CCND2: variants seen among roughly 807,000 people sequenced by gnomAD.
CCND2 encodes the protein G1/S-specific cyclin-D2.
In CCND2, 6 loss-of-function variants were observed where a neutral mutation model predicts 30.2. That is an observed-to-expected ratio of 0.20 (90% confidence interval 0.11 to 0.39). The LOEUF (loss-of-function observed/expected upper bound fraction) is 0.39. Among genes scored for constraint, CCND2 ranks in the 10% least tolerant of loss-of-function variants. CCND2 has a pLI of 1.00. For missense variants in CCND2, 235 were observed against 373.4 expected, an observed-to-expected ratio of 0.63 and a Z score of 3.06; for synonymous variants, 150 against 153.1, an observed-to-expected ratio of 0.98 and a Z score of 0.15.
rs970322609 is a variant in CCND2, at chr12:4,290,170, G to A, written c.720+1180G>A. 7.9e-5 allele frequency among the ~76,000 whole-genome samples: 12 copies of A among 152,328 alleles called. No homozygotes were observed. The East Asian group carries it at 1.7e-3, about 22-fold the overall frequency. Reference sequence around the variant, plus strand: ...ACAGGTTAAACCTCAGAGAGCCCACGGCTGCAGCTCGCCGGCCTCCTCGCC... The same window carrying A: ...ACAGGTTAAACCTCAGAGAGCCCACAGCTGCAGCTCGCCGGCCTCCTCGCC... On this transcript the variant is annotated intron_variant, in intron 4 of 4. Coordinates refer to ENST00000261254, the MANE Select transcript of CCND2 (RefSeq NM_001759.4).
intron 4 of CCND2, among the ~76,000 whole-genome samples, chr12:4,298,690 CA>C (rs1864207415): frequency 6.6e-6 from 1 of 152,206 alleles, no homozygotes; most frequent in Non-Finnish European, 1.5e-5. Context: ...TTCAATTTAA[CA>C]TATTTGCCTT....
chr12:4,281,316 A>G (rs1221619124), intron 3 of CCND2, among the ~76,000 whole-genome samples: 1 of 152,162 alleles, frequency 6.6e-6, no homozygotes, highest in East Asian at 1.9e-4. Flanking sequence ...GGAGTTTTAC[A>G]ACAGTCGGCC....
At position 4,300,134 on chromosome 12, in the gene CCND2, ATATT is replaced by A. The variant is rs1864228578; in HGVS notation, c.*128_*131del. 1 of 913,004 alleles carries A rather than the reference ATATT, an allele frequency of 1.1e-6. No individual in the cohort carries two copies. Among genetic ancestry groups the A allele is most frequent in the African/African-American group, 1.7e-5 (1 of 59,912 alleles). 56.6% of individuals were successfully genotyped at this position (913,004 alleles called of 1,614,324 possible). ...AAAAAATTCTGCCCCCACCTAGATC[ATATT>A]TAAAGATCTTTTAGAAGTGAGAGAA... On this transcript the variant is annotated 3_prime_UTR_variant, in exon 5 of 5. Transcript: ENST00000261254.
Position 4,301,920 on chromosome 12 carries a change from T to G in CCND2, c.*1911T>G, listed in dbSNP as rs985238683. The G allele has an allele frequency of 4.3e-6, 1 of 231,950 alleles. No individual in the cohort carries two copies. Among genetic ancestry groups the G allele is most frequent in the African/African-American group, 2.2e-5 (1 of 45,208 alleles). 14.4% of individuals were successfully genotyped at this position (231,950 alleles called of 1,614,324 possible). A position where few individuals can be genotyped will look rare whatever the true frequency, so the allele number is the denominator to read the frequency against. Reference sequence around the variant, plus strand: ...TCTGGTAGCATATTCATGGTTGTTTTTTTTTTTCTTTTTTGGTTTTTTGGT... The same window carrying G: ...TCTGGTAGCATATTCATGGTTGTTTGTTTTTTTCTTTTTTGGTTTTTTGGT... On this transcript the variant is annotated 3_prime_UTR_variant, in exon 5 of 5. Coordinates refer to ENST00000261254, the MANE Select transcript of CCND2 (RefSeq NM_001759.4).
rs200860740 is a variant in CCND2, at chr12:4,301,366, T to TC, written c.*1357_*1358insC. 8.9e-6 allele frequency: 2 copies of TC among 224,394 alleles called. No homozygotes were observed. Among genetic ancestry groups the TC allele is most frequent in the East Asian group, 1.2e-4 (2 of 16,378 alleles). 13.9% of individuals were successfully genotyped at this position (224,394 alleles called of 1,614,324 possible). On this transcript the variant is annotated 3_prime_UTR_variant, in exon 5 of 5. Coordinates refer to ENST00000261254, the MANE Select transcript of CCND2 (RefSeq NM_001759.4). ...GTTCCCTTTTCCGTTTTTTTTTTTT[T>TC]ATTGTTGTTGTTAATTTTATTGCAA...
intron 4 of CCND2, 62 bp downstream of exon 4, chr12:4,289,052 C>T (rs895506345): frequency 6.0e-5 from 88 of 1,461,000 alleles, no homozygotes; most frequent in Admixed American, 9.0e-5. Context: ...GGGAAGGAGA[C>T]GACGGATTTG....
At chr12:4,286,102 C>T (rs537609950) in intron 3 of CCND2, among the ~76,000 whole-genome samples, 1 of 152,262 alleles carries the variant, frequency 6.6e-6, no homozygotes, top group South Asian at 2.1e-4. Flanking sequence ...CATTTTATAA[C>T]ACAACTCAGG....
chr12:4,302,517 T>C lies in CCND2; in HGVS notation c.*2508T>C, dbSNP rs3217926. ...TTGTGTTTAGGATCATCTCTGCAGG[T>C]TTCCTAGGTCTGAATCTGCGAGTAG... On this transcript the variant is annotated 3_prime_UTR_variant, in exon 5 of 5. Transcript: ENST00000261254. 0.31 allele frequency: 72,981 copies of C among 232,764 alleles called. 13,166 individuals are homozygous for C. The highest frequency in any genetic ancestry group is 0.49 in the Middle Eastern group (385 of 778). 14.4% of individuals were successfully genotyped at this position (232,764 alleles called of 1,614,324 possible). A position where few individuals can be genotyped will look rare whatever the true frequency, so the allele number is the denominator to read the frequency against.
At chr12:4,294,286 G>A (rs568276394) in intron 4 of CCND2, among the ~76,000 whole-genome samples, 1 of 152,088 alleles carries the variant, frequency 6.6e-6, no homozygotes, top group Non-Finnish European at 1.5e-5. Context: ...CAGCCAGGAG[G>A]GAAGGGGGCA....
intron 4 of CCND2, among the ~76,000 whole-genome samples, chr12:4,297,570 C>CA (rs71061177): frequency 0.083 from 6,166 of 74,534 alleles, 663 homozygotes; most frequent in East Asian, 0.19. Flanking sequence ...CACTCTGTCT[C>CA]AAAAAAAAAA....
chr12:4,286,534 C>T (rs1007414534), intron 3 of CCND2, among the ~76,000 whole-genome samples: 4 of 152,326 alleles, frequency 2.6e-5, no homozygotes, highest in Middle Eastern at 3.4e-3. Flanking sequence ...TCGTCTCCAG[C>T]GGCGTCTCTC....
In CCND2 at chr12:4,299,951, C is replaced by T. The variant is rs776036883; in HGVS notation, c.812C>T (p.Ser271Leu). The change falls in exon 5 of 5, where the codon TCG (serine) becomes TTG (leucine). Residue 271 changes from serine (S) to leucine (L), a missense_variant. Ser to Leu is a moderately radical substitution (Grantham distance 145). This residue lies in a region of CCND2 where 57 missense variants were observed against 50.7 expected (regional missense o/e 1.12). Coordinates refer to ENST00000261254, the MANE Select transcript of CCND2 (RefSeq NM_001759.4). This position sits in a 1 kb window ranked among gnomAD's most constrained non-coding sequence, Gnocchi z 5.2. ...YRQDQRDGSK[S>L]EDELDQASTP... is the part of the protein sequence containing the mutation. ...CAGGACCAACGTGACGGATCCAAGT[C>T]GGAGGATGAACTGGACCAAGCCAGC... The T allele has an allele frequency of 1.7e-5, 27 of 1,613,964 alleles. No individual in the cohort carries two copies. The highest frequency in any genetic ancestry group is 1.6e-4 in the Middle Eastern group (1 of 6,084).
intron 4 of CCND2, 66 bp downstream of exon 4, chr12:4,289,056 G>A (rs1265862825): frequency 3.5e-6 from 5 of 1,441,872 alleles, no homozygotes; most frequent in African/African-American, 2.9e-5. Flanking sequence ...AGGAGACGAC[G>A]GATTTGATTA....
At chr12:4,298,327 G>A (rs550874719) in intron 4 of CCND2, among the ~76,000 whole-genome samples, 4 of 152,342 alleles carry the variant, frequency 2.6e-5, no homozygotes, top group Middle Eastern at 3.4e-3. Context: ...AGTTTGAAAT[G>A]TGGGATAGAT....
In CCND2 at chr12:4,292,760, A is replaced by AG. The variant is rs1296553755; in HGVS notation, c.720+3776dup. On this transcript the variant is annotated intron_variant, in intron 4 of 4. Coordinates refer to ENST00000261254, the MANE Select transcript of CCND2 (RefSeq NM_001759.4). Reference sequence around the variant, plus strand: ...ACAGCCAGAGAGGCAGTTTGGCTGTAGGGGGGACGTCTATTGGGGGTGTCC... The same window carrying AG: ...ACAGCCAGAGAGGCAGTTTGGCTGTAGGGGGGGACGTCTATTGGGGGTGTCC... Among the ~76,000 whole-genome samples, 4 of 152,090 alleles carry AG rather than the reference A, an allele frequency of 2.6e-5. No homozygotes were observed. In the South Asian group the frequency reaches 8.3e-4, roughly 32 times the overall value.
In CCND2 at chr12:4,299,158, G is replaced by A. The variant is rs1043672676; in HGVS notation, c.721-702G>A. On this transcript the variant is annotated intron_variant, in intron 4 of 4. Transcript: ENST00000261254. The surrounding 1 kb of genome is among the most constrained non-coding windows in gnomAD (Gnocchi z 5.2). ...GGGCGGATCACAAGGTCAGGAGTTCGAGGCCAGCCTGGCCAATATGGTGAA... is the reference window on the plus strand; with the variant it reads ...GGGCGGATCACAAGGTCAGGAGTTCAAGGCCAGCCTGGCCAATATGGTGAA... 6.6e-6 allele frequency among the ~76,000 whole-genome samples: 1 copy of A among 151,936 alleles called. No homozygotes were observed. The highest frequency in any genetic ancestry group is 1.5e-5 in the Non-Finnish European group (1 of 67,980).
Position 4,303,870 on chromosome 12 carries a change from G to A in CCND2, c.*3861G>A, listed in dbSNP as rs1452724020. On this transcript the variant is annotated 3_prime_UTR_variant, in exon 5 of 5. Transcript: ENST00000261254. The surrounding 1 kb of genome is among the most constrained non-coding windows in gnomAD (Gnocchi z 4.6). ...CTATGTGCTCTGTACTGGAGGCTCTGTTCTGCCTCTTATCAGCCAGGTCAG... is the reference window on the plus strand; with the variant it reads ...CTATGTGCTCTGTACTGGAGGCTCTATTCTGCCTCTTATCAGCCAGGTCAG... 1 of 233,336 alleles carries A rather than the reference G, an allele frequency of 4.3e-6. No individual in the cohort carries two copies. The highest frequency in any genetic ancestry group is 8.5e-6 in the Non-Finnish European group (1 of 118,104). The allele number at this position is 233,336 out of a possible 1,614,324, so 14.5% of individuals were successfully genotyped here. A position where few individuals can be genotyped will look rare whatever the true frequency, so the allele number is the denominator to read the frequency against.
rs963910679 is a variant in CCND2, at chr12:4,285,577, G to A, written c.572-3265G>A. 3.7e-6 allele frequency: 1 copy of A among 268,866 alleles called. No homozygotes were observed. Among genetic ancestry groups the A allele is most frequent in the Non-Finnish European group, 5.7e-6 (1 of 174,828 alleles). 16.7% of individuals were successfully genotyped at this position (268,866 alleles called of 1,614,324 possible). ...TATATGTATGTATTTACCCATGGTT[G>A]TAATCTTCATCGTCGCATGCATGCA... On this transcript the variant is annotated intron_variant, in intron 3 of 4. Transcript: ENST00000261254. The surrounding 1 kb of genome is among the most constrained non-coding windows in gnomAD (Gnocchi z 4.1).
chr12:4,300,418 G>A lies in CCND2; in HGVS notation c.*409G>A, dbSNP rs1327812611. Reference sequence around the variant, plus strand: ...TTGTAGTATAATTTCAAGGAACTGTGTACGCCATTTATGGCATGATTAGAT... The same window carrying A: ...TTGTAGTATAATTTCAAGGAACTGTATACGCCATTTATGGCATGATTAGAT... On this transcript the variant is annotated 3_prime_UTR_variant, in exon 5 of 5. Transcript: ENST00000261254. The A allele has an allele frequency of 4.2e-6, 1 of 239,442 alleles. No individual in the cohort carries two copies. The highest frequency in any genetic ancestry group is 8.2e-6 in the Non-Finnish European group (1 of 121,754). 14.8% of individuals were successfully genotyped at this position (239,442 alleles called of 1,614,324 possible).
Sources: allele counts gnomAD v4.1 joint callset (sites outside exome capture counted in the v4.1 genomes callset), GRCh38; gene constraint gnomAD v4.1.1; regional missense constraint gnomAD v4.1.1; non-coding constraint Gnocchi (gnomAD v3.1); transcripts MANE v1.5; gene names NCBI Gene and HGNC (gene_info 2026-07-23, HGNC 2026-07-21).